Variants in ATG10 observed in about 807,000 individuals in gnomAD.
ATG10 encodes autophagy related 10.
In ATG10, 30 loss-of-function variants were observed where a neutral mutation model predicts 32.1. That is an observed-to-expected ratio of 0.94 (90% CI 0.70 to 1.27). ATG10 has a LOEUF of 1.27. ATG10 is among the 50% of genes most tolerant of loss of function. ATG10 has a pLI of 0.00. For synonymous variants in ATG10, 87 were observed against 91.5 expected (o/e 0.95, Z 0.28); for missense variants, 233 against 262.3 (o/e 0.89, Z 0.77).
chr5:82,075,733 C>T (rs1483700320), intron 3 of ATG10, among the ~76,000 whole-genome samples: 2 of 152,038 alleles, frequency 1.3e-5, no homozygotes, highest in Non-Finnish European at 2.9e-5. Context: ...GTTAGGAATT[C>T]GAGGCCAGCC....
chr5:82,190,710 C>T (rs1403802259), intron 5 of ATG10, among the ~76,000 whole-genome samples: 1 of 125,288 alleles, frequency 8.0e-6, no homozygotes, highest in East Asian at 2.6e-4. Flanking sequence ...GGAGGCAGAG[C>T]TTGCAGTGAG....
intron 5 of ATG10, among the ~76,000 whole-genome samples, chr5:82,216,834 A>T (rs901064450): frequency 1.3e-5 from 2 of 152,088 alleles, no homozygotes; most frequent in African/African-American, 4.8e-5. Context: ...AGGTGGGTGG[A>T]TCATGAGGTC....
At chr5:82,064,625 A>G (rs1195211906) in intron 3 of ATG10, among the ~76,000 whole-genome samples, 1 of 152,158 alleles carries the variant, frequency 6.6e-6, no homozygotes, top group African/African-American at 2.4e-5. Context: ...AATAATACTT[A>G]TCATGGTCAA....
At chr5:81,995,257 G>A (rs1471114974) in intron 2 of ATG10, among the ~76,000 whole-genome samples, 2 of 151,894 alleles carry the variant, frequency 1.3e-5, no homozygotes, top group Non-Finnish European at 2.9e-5. Context: ...CAGCCTCCCC[G>A]GTAGCTGGGA....
intron 3 of ATG10, among the ~76,000 whole-genome samples, chr5:82,125,373 C>G (rs890278817): frequency 6.6e-6 from 1 of 152,100 alleles, no homozygotes; most frequent in Non-Finnish European, 1.5e-5. Context: ...TGCCTAAGTC[C>G]TGAATAGTAT....
intron 5 of ATG10, among the ~76,000 whole-genome samples, chr5:82,222,296 C>T (rs1032231179): frequency 2.0e-5 from 3 of 152,154 alleles, no homozygotes; most frequent in Admixed American, 1.3e-4. Flanking sequence ...TTGGCTTTTC[C>T]AAATTAGTTG....
chr5:82,150,213 G>A (rs1230203914), intron 3 of ATG10, among the ~76,000 whole-genome samples: 3 of 151,446 alleles, frequency 2.0e-5, no homozygotes, highest in African/African-American at 7.3e-5. Context: ...ATTCATTTAG[G>A]AAACAAGTCA....
intron 2 of ATG10, among the ~76,000 whole-genome samples, chr5:82,013,537 G>C (rs1762191384): frequency 6.6e-6 from 1 of 152,146 alleles, no homozygotes; most frequent in African/African-American, 2.4e-5. Context: ...CCAGGTTGCT[G>C]CATCAAATGG....
intron 2 of ATG10, among the ~76,000 whole-genome samples, chr5:82,002,201 T>C (rs1309506924): frequency 2.0e-5 from 3 of 152,218 alleles, no homozygotes; most frequent in South Asian, 2.1e-4. Flanking sequence ...GAATGTAAAT[T>C]AGTTCAGCCA....
intron 5 of ATG10, among the ~76,000 whole-genome samples, chr5:82,250,550 A>T (rs1481281554): frequency 2.0e-5 from 3 of 152,134 alleles, no homozygotes; most frequent in African/African-American, 7.2e-5. Context: ...CCTAAGAGGG[A>T]TACACACATT....
chr5:82,207,465 T>C (rs1216465650), intron 5 of ATG10, among the ~76,000 whole-genome samples: 1 of 152,234 alleles, frequency 6.6e-6, no homozygotes, highest in Admixed American at 6.5e-5. Context: ...TGCCATTTTT[T>C]TCTATTTGGT....
At chr5:82,204,396 GTTTA>G (rs1343589836) in intron 5 of ATG10, among the ~76,000 whole-genome samples, 1 of 152,186 alleles carries the variant, frequency 6.6e-6, no homozygotes, top group Non-Finnish European at 1.5e-5. Flanking sequence ...AATAATGCCA[GTTTA>G]TTTATCTTTT....
At chr5:82,077,436 A>G (rs567755590) in intron 3 of ATG10, among the ~76,000 whole-genome samples, 126 of 152,338 alleles carry the variant, frequency 8.3e-4, no homozygotes, top group African/African-American at 2.9e-3. Context: ...AATAAATGAG[A>G]GAAACTAGCA....
chr5:82,046,151 C>A (rs1198786306), intron 2 of ATG10, among the ~76,000 whole-genome samples: 1 of 152,152 alleles, frequency 6.6e-6, no homozygotes, highest in Non-Finnish European at 1.5e-5. Flanking sequence ...GATGAGACAG[C>A]TGTGGGGCTG....
chr5:82,166,893 G>A (rs930990030), intron 4 of ATG10, among the ~76,000 whole-genome samples: 1 of 151,900 alleles, frequency 6.6e-6, no homozygotes, highest in Non-Finnish European at 1.5e-5. Context: ...AATTTCTTTT[G>A]CATTTGATTG....
At chr5:82,250,279 T>TTTTC (rs1747202127) in intron 5 of ATG10, among the ~76,000 whole-genome samples, 1 of 152,200 alleles carries the variant, frequency 6.6e-6, no homozygotes, top group Non-Finnish European at 1.5e-5. Flanking sequence ...ATGGTTGTTT[T>TTTTC]TTTCCTTGTC....
chr5:82,061,196 C>T (rs1372975356), intron 3 of ATG10, among the ~76,000 whole-genome samples: 2 of 152,100 alleles, frequency 1.3e-5, no homozygotes, highest in Admixed American at 6.5e-5. Flanking sequence ...CAAGACAGCC[C>T]AGTACCCCAT....
intron 2 of ATG10, among the ~76,000 whole-genome samples, chr5:82,016,262 G>T (rs1040007069): frequency 3.3e-5 from 5 of 152,156 alleles, no homozygotes; most frequent in Non-Finnish European, 4.4e-5. Context: ...TGTATAAGGT[G>T]AGAGAGAGGC....
intron 2 of ATG10, among the ~76,000 whole-genome samples, chr5:82,048,432 A>C (rs570375032): frequency 6.6e-6 from 1 of 151,856 alleles, no homozygotes; most frequent in South Asian, 2.1e-4. Context: ...GAGGTCCTTC[A>C]CATCCCTTGT....
Sources: gnomAD v4.1 joint callset for allele counts (sites outside exome capture counted in the v4.1 genomes callset) on GRCh38, gnomAD v4.1.1 for gene constraint, MANE v1.5 for transcripts, NCBI Gene and HGNC (gene_info 2026-07-23, HGNC 2026-07-21) for gene names.